PIK3CB: variants seen among roughly 807,000 people sequenced by gnomAD.
The protein encoded by PIK3CB is phosphatidylinositol-4,5-bisphosphate 3-kinase catalytic subunit beta.
In PIK3CB, 39 loss-of-function variants were observed where a neutral mutation model predicts 136.8. The observed-to-expected ratio is 0.29, with a 90% CI of 0.22 to 0.37. The LOEUF is 0.37. PIK3CB is among the 10% of genes least tolerant of loss of function. The pLI is 1.00. For synonymous variants in PIK3CB, 428 were observed against 436.6 expected, an observed-to-expected ratio of 0.98 and a Z score of 0.25; for missense variants, 868 against 1,275.4, an observed-to-expected ratio of 0.68 and a Z score of 4.87.
intron 21 of PIK3CB, among the ~76,000 whole-genome samples, chr3:138,659,081 C>CAT (rs1262952806): frequency 6.6e-6 from 1 of 152,162 alleles, no homozygotes; most frequent in Non-Finnish European, 1.5e-5. Flanking sequence ...TGACATAGGC[C>CAT]ATATAATTCT....
At chr3:138,700,782 T>C (rs755244788) in intron 12 of PIK3CB, among the ~76,000 whole-genome samples, 17 of 152,102 alleles carry the variant, frequency 1.1e-4, no homozygotes, top group Non-Finnish European at 2.2e-4. Flanking sequence ...ACCTATGTTA[T>C]AAGCCAACTA....
chr3:138,705,659 T>A (rs1197984045), intron 11 of PIK3CB, among the ~76,000 whole-genome samples: 1 of 152,216 alleles, frequency 6.6e-6, no homozygotes, highest in Non-Finnish European at 1.5e-5. Flanking sequence ...AGGTAGATTA[T>A]CTTAAGTATT....
chr3:138,826,292 T>C, intron 1 of PIK3CB: 3 of 1,597,150 alleles, frequency 1.9e-6, no homozygotes, highest in Non-Finnish European at 2.5e-6. Flanking sequence ...GCTGGCAAGG[T>C]CACCAAGTCT....
At chr3:138,789,791 G>T (rs1377663352) in intron 2 of PIK3CB, among the ~76,000 whole-genome samples, 1 of 151,948 alleles carries the variant, frequency 6.6e-6, no homozygotes, top group Non-Finnish European at 1.5e-5. Flanking sequence ...TGGACTCAGG[G>T]GTGATTATCC....
chr3:138,825,319 C>G (rs1933734926), intron 1 of PIK3CB: 2 of 498,112 alleles, frequency 4.0e-6, no homozygotes, highest in African/African-American at 1.9e-5. Context: ...GAATTTAAAG[C>G]TGGTATCTCC....
chr3:138,761,997 A>G (rs903422910), intron 2 of PIK3CB, among the ~76,000 whole-genome samples: 6 of 151,728 alleles, frequency 4.0e-5, no homozygotes, highest in Non-Finnish European at 8.8e-5. Context: ...CTGTAATCCC[A>G]GTACTTTGGG....
At chr3:138,678,009 A>G (rs908113613) in intron 19 of PIK3CB, among the ~76,000 whole-genome samples, 6 of 152,200 alleles carry the variant, frequency 3.9e-5, no homozygotes, top group Non-Finnish European at 7.3e-5. Context: ...ATGGTGGCAT[A>G]TGTCTGTAAT....
At chr3:138,707,327 C>T (rs753565566) in intron 10 of PIK3CB, 38 bp from the exon 11 acceptor site, 37 of 1,572,596 alleles carry the variant, frequency 2.4e-5, no homozygotes, top group Non-Finnish European at 3.0e-5. Context: ...TAAAAAATGT[C>T]TTTAAAACTA....
chr3:138,706,410 T>C (rs1354595877), intron 11 of PIK3CB, among the ~76,000 whole-genome samples: 1 of 152,234 alleles, frequency 6.6e-6, no homozygotes, highest in Non-Finnish European at 1.5e-5. Context: ...GTCCTTACTA[T>C]AGATTCTATA....
intron 2 of PIK3CB, among the ~76,000 whole-genome samples, chr3:138,766,603 T>C (rs1559870240): frequency 6.6e-6 from 1 of 152,180 alleles, no homozygotes; most frequent in Non-Finnish European, 1.5e-5. Flanking sequence ...CAGTTGCCCA[T>C]GCTTAAAAAT....
intron 8 of PIK3CB, among the ~76,000 whole-genome samples, chr3:138,722,134 T>G (rs1012751523): frequency 2.6e-5 from 4 of 151,300 alleles, no homozygotes; most frequent in South Asian, 2.1e-4. Flanking sequence ...TGGGTGTTTT[T>G]TTTTTTTTTT....
At position 138,762,249 on chromosome 3, in the gene PIK3CB, C is replaced by CA. The variant is rs1225417137; in HGVS notation, c.-16-2891dup. Among the ~76,000 whole-genome samples, 55 of 151,214 alleles carry CA rather than the reference C, an allele frequency of 3.6e-4. 1 individual carries two copies. Among genetic ancestry groups the CA allele is most frequent in the Admixed American group, 2.6e-3 (40 of 15,174 alleles). On this transcript the variant is annotated intron_variant, in intron 2 of 23. Coordinates refer to ENST00000674063, the MANE Select transcript of PIK3CB (RefSeq NM_006219.3). ...GGGCAACAAAAGCAAAAATCCATCT[C>CA]AAAAAAAACAAAAAACAAACAAACA... is the stretch of plus-strand genomic sequence containing the variant.
intron 21 of PIK3CB, among the ~76,000 whole-genome samples, chr3:138,658,460 A>G (rs1342690833): frequency 6.6e-6 from 1 of 152,062 alleles, no homozygotes; most frequent in Non-Finnish European, 1.5e-5. Context: ...AACAACAACA[A>G]CAACAACAAA....
intron 12 of PIK3CB, among the ~76,000 whole-genome samples, chr3:138,700,209 G>A (rs1237587340): frequency 4.0e-5 from 6 of 151,650 alleles, no homozygotes; most frequent in Non-Finnish European, 2.9e-5. Flanking sequence ...GCAACAAAGC[G>A]AGACACTGTC....
chr3:138,822,404 G>A (rs541000717), intron 1 of PIK3CB, among the ~76,000 whole-genome samples: 152 of 151,804 alleles, frequency 1.0e-3, no homozygotes, highest in African/African-American at 3.6e-3. Context: ...AAAGTTAGCC[G>A]GGCATGGTGG....
chr3:138,719,105 TCTAAAGACTATGAACTA>T (rs1251913273), intron 8 of PIK3CB, among the ~76,000 whole-genome samples: 1 of 152,120 alleles, frequency 6.6e-6, no homozygotes, highest in Non-Finnish European at 1.5e-5. Context: ...ATTTTTAGTT[TCTAAAGACTATGAACTA>T]AAGAAAATTA....
At chr3:138,720,448 G>A (rs1333240138) in intron 8 of PIK3CB, among the ~76,000 whole-genome samples, 1 of 152,134 alleles carries the variant, frequency 6.6e-6, no homozygotes, top group African/African-American at 2.4e-5. Context: ...TTATCTGCAA[G>A]TGCCTCTCTC....
chr3:138,773,242 T>C (rs1165535121), intron 2 of PIK3CB, among the ~76,000 whole-genome samples: 1 of 151,912 alleles, frequency 6.6e-6, no homozygotes, highest in Non-Finnish European at 1.5e-5. Flanking sequence ...CTACTAAAAA[T>C]ACAAAAATTA....
chr3:138,667,343 G>T (rs116466521), intron 19 of PIK3CB, among the ~76,000 whole-genome samples: 2,129 of 151,958 alleles, frequency 0.014, 45 homozygotes, highest in Middle Eastern at 0.048. Flanking sequence ...GTTCCTGTTG[G>T]CCATGTAAGG....
Sources: allele counts gnomAD v4.1 joint callset (sites outside exome capture counted in the v4.1 genomes callset), GRCh38; gene constraint gnomAD v4.1.1; transcripts MANE v1.5; gene names NCBI Gene and HGNC (gene_info 2026-07-23, HGNC 2026-07-21).